CA8: variants seen among roughly 807,000 people sequenced by gnomAD.
The protein encoded by CA8 is carbonic anhydrase-related protein.
In CA8, 22 loss-of-function variants were observed where a neutral mutation model predicts 41.4. The ratio of observed to expected loss-of-function variants is 0.53; its 90% CI spans 0.38 to 0.76. The LOEUF (loss-of-function observed/expected upper bound fraction) is 0.76, where lower values mean the gene tolerates loss of function less well. Among genes scored for constraint, CA8 ranks in the 30% least tolerant of loss-of-function variants. CA8 has a pLI of 0.00. For synonymous variants in CA8, 121 were observed against 130.6 expected (o/e 0.93, Z 0.50); for missense variants, 270 against 352.8 (o/e 0.77, Z 1.88).
intron 4 of CA8, among the ~76,000 whole-genome samples, chr8:60,228,533 T>G (rs1228546686): frequency 6.6e-6 from 1 of 152,234 alleles, no homozygotes; most frequent in African/African-American, 2.4e-5. Flanking sequence ...AGGAACAGGC[T>G]CACTTTGCAC....
At chr8:60,242,859 C>T (rs1259873791) in intron 3 of CA8, among the ~76,000 whole-genome samples, 1 of 152,198 alleles carries the variant, frequency 6.6e-6, no homozygotes, top group Non-Finnish European at 1.5e-5. Context: ...GGTCTAGCGC[C>T]CCACTTTAGA....
intron 8 of CA8, among the ~76,000 whole-genome samples, chr8:60,192,563 G>T (rs1157637778): frequency 6.6e-6 from 1 of 152,122 alleles, no homozygotes; most frequent in Non-Finnish European, 1.5e-5. Flanking sequence ...ATAGGATAAA[G>T]TAATGCTTGG....
At chr8:60,192,051 T>C (rs1286214763) in intron 8 of CA8, among the ~76,000 whole-genome samples, 1 of 152,074 alleles carries the variant, frequency 6.6e-6, no homozygotes, top group African/African-American at 2.4e-5. Context: ...GGAAACTCAA[T>C]ACCCTATGCT....
At chr8:60,266,514 T>C (rs565516670) in intron 2 of CA8, among the ~76,000 whole-genome samples, 37 of 152,204 alleles carry the variant, frequency 2.4e-4, no homozygotes, top group Non-Finnish European at 5.0e-4. Context: ...GTGTGTGGAC[T>C]AACAAAATTA....
intron 3 of CA8, among the ~76,000 whole-genome samples, chr8:60,239,740 T>C (rs897081455): frequency 1.3e-5 from 2 of 152,202 alleles, no homozygotes; most frequent in African/African-American, 2.4e-5. Context: ...AGGGATCCTG[T>C]AGAAGATAAT....
intron 7 of CA8, among the ~76,000 whole-genome samples, chr8:60,218,220 T>C (rs759410368): frequency 1.3e-5 from 2 of 152,124 alleles, no homozygotes; most frequent in Non-Finnish European, 2.9e-5. Context: ...TCTAGATAAC[T>C]AGCTCTCATC....
chr8:60,225,653 T>C (rs1025839015), intron 5 of CA8, among the ~76,000 whole-genome samples: 13 of 152,334 alleles, frequency 8.5e-5, no homozygotes, highest in African/African-American at 1.9e-4. Flanking sequence ...CTAATCAAAC[T>C]TGATTCCCAA....
At chr8:60,199,335 G>C (rs576077415) in intron 8 of CA8, among the ~76,000 whole-genome samples, 1 of 152,038 alleles carries the variant, frequency 6.6e-6, no homozygotes, top group East Asian at 1.9e-4. Context: ...GAATAATTTA[G>C]TTGAAGACCT....
At chr8:60,265,779 A>G in intron 3 of CA8, 146 bp downstream of exon 3, 2 of 885,870 alleles carry the variant, frequency 2.3e-6, no homozygotes, top group Non-Finnish European at 3.5e-6. Flanking sequence ...CTAGGCTTCC[A>G]TTGCATTAAG....
At chr8:60,233,253 T>C (rs1221479523) in intron 3 of CA8, among the ~76,000 whole-genome samples, 1 of 152,246 alleles carries the variant, frequency 6.6e-6, no homozygotes. Context: ...TATTTTAAAA[T>C]TAGTTCTAAC....
chr8:60,248,851 C>A (rs1808345937), intron 3 of CA8, among the ~76,000 whole-genome samples: 2 of 152,078 alleles, frequency 1.3e-5, no homozygotes, highest in Admixed American at 1.3e-4. Context: ...TTACTTCGGG[C>A]AGTATGGCCA....
chr8:60,213,522 T>C (rs1181336056), intron 7 of CA8, among the ~76,000 whole-genome samples: 1 of 152,248 alleles, frequency 6.6e-6, no homozygotes, highest in Non-Finnish European at 1.5e-5. Context: ...TGATTTGCAC[T>C]GTCCAGGATG....
At chr8:60,274,300 A>G (rs1397132664) in intron 2 of CA8, among the ~76,000 whole-genome samples, 1 of 152,240 alleles carries the variant, frequency 6.6e-6, no homozygotes, top group Non-Finnish European at 1.5e-5. Context: ...CCAGAGCAAC[A>G]TGAACAAGAC....
Position 60,210,683 on chromosome 8 carries a change from C to T in CA8, c.739-1764G>A, listed in dbSNP as rs552859108. Among the ~76,000 whole-genome samples, 19 of 151,738 alleles carry T rather than the reference C, an allele frequency of 1.3e-4. No individual in the cohort carries two copies. The South Asian group carries it at 1.7e-3, about 13-fold the overall frequency. Reference sequence around the variant, plus strand: ...TCTTATTTTTCCATGTCACTGAATACTGGTTGATTTCCCTTAATGAGATTA... The same window carrying T: ...TCTTATTTTTCCATGTCACTGAATATTGGTTGATTTCCCTTAATGAGATTA... On this transcript the variant is annotated intron_variant, in intron 7 of 8. Transcript: ENST00000317995.
intron 2 of CA8, among the ~76,000 whole-genome samples, chr8:60,274,227 G>A (rs1804157898): frequency 6.6e-6 from 1 of 151,844 alleles, no homozygotes; most frequent in African/African-American, 2.4e-5. Flanking sequence ...AAGGAAGATT[G>A]TACTCAAAAC....
chr8:60,199,329 A>G (rs769506152), intron 8 of CA8, among the ~76,000 whole-genome samples: 4 of 152,130 alleles, frequency 2.6e-5, no homozygotes, highest in Non-Finnish European at 5.9e-5. Flanking sequence ...CATCTGGAAT[A>G]ATTTAGTTGA....
At position 60,227,104 on chromosome 8, in the gene CA8, C is replaced by A. The variant is rs4738799; in HGVS notation, c.514-169G>T. Among the ~76,000 whole-genome samples the A allele has an allele frequency of 0.93, 141,464 of 152,240 alleles. 65,909 individuals carry two copies. The highest frequency in any genetic ancestry group is 0.96 in the African/African-American group (39,933 of 41,550). ...TAGGAGATCGAGGCCATCCTGGCTA[C>A]CACAGTGAAACCCTGTCTCTACTAA... is the stretch of plus-strand genomic sequence containing the variant. On this transcript the variant is annotated intron_variant, in intron 4 of 8. Transcript: ENST00000317995.
chr8:60,228,131 A>C (rs1807505389), intron 4 of CA8, among the ~76,000 whole-genome samples: 1 of 152,222 alleles, frequency 6.6e-6, no homozygotes, highest in Non-Finnish European at 1.5e-5. Context: ...AGAGCATCCA[A>C]AGGGAGAGGA....
chr8:60,226,711 T>C (rs554325018), intron 5 of CA8, among the ~76,000 whole-genome samples, 162 bp downstream of exon 5: 1 of 152,288 alleles, frequency 6.6e-6, no homozygotes, highest in East Asian at 1.9e-4. Flanking sequence ...CTTTTCCCTC[T>C]GCTTTTTGAC....
Sources: allele counts gnomAD v4.1 joint callset (sites outside exome capture counted in the v4.1 genomes callset), GRCh38; gene constraint gnomAD v4.1.1; transcripts MANE v1.5; gene names NCBI Gene and HGNC (gene_info 2026-07-23, HGNC 2026-07-21).